The following GREB1L variants were observed in gnomAD, a reference collection of about 807,000 sequenced individuals.
GREB1L encodes GREB1 like retinoic acid receptor coactivator.
GREB1L carries 17 observed loss-of-function variants against 200.8 expected under a neutral mutation model. The ratio of observed to expected loss-of-function variants is 0.08; its 90% CI spans 0.06 to 0.13. The LOEUF (loss-of-function observed/expected upper bound fraction) is 0.13, where lower values mean the gene tolerates loss of function less well. Ranked by LOEUF, GREB1L falls within the 10% of genes least tolerant of loss-of-function variation. The probability of loss-of-function intolerance (pLI) is 1.00; values close to 1 mark genes in which losing one functional copy is unlikely to be tolerated. For synonymous variants in GREB1L, 789 were observed against 893.0 expected, an observed-to-expected ratio of 0.88 and a Z score of 2.08; for missense variants, 1,657 against 2,367.7, an observed-to-expected ratio of 0.70 and a Z score of 6.23.
intron 2 of GREB1L, among the ~76,000 whole-genome samples, chr18:21,373,177 A>G (rs1453171334): frequency 6.6e-6 from 1 of 152,042 alleles, no homozygotes; most frequent in Non-Finnish European, 1.5e-5. Context: ...TAGTGATGCT[A>G]AGCTCAACCA....
chr18:21,290,108 T>C (rs1187943246), intron 1 of GREB1L, among the ~76,000 whole-genome samples: 9 of 152,190 alleles, frequency 5.9e-5, no homozygotes, highest in African/African-American at 9.7e-5. Context: ...AGAGTGGGCT[T>C]TGGCCTTGGA....
chr18:21,262,903 C>T (rs557581164), intron 1 of GREB1L, among the ~76,000 whole-genome samples: 22 of 152,278 alleles, frequency 1.4e-4, no homozygotes, highest in Non-Finnish European at 2.6e-4. Flanking sequence ...GCCTAAGAAA[C>T]GATGGGCTTA....
rs145687483 is a variant in GREB1L, at chr18:21,316,265, C to T, written c.-119-49762C>T. Among the ~76,000 whole-genome samples the T allele has an allele frequency of 8.0e-3, 1,224 of 152,128 alleles. 27 individuals carry two copies. Among genetic ancestry groups the T allele is most frequent in the African/African-American group, 0.028 (1,178 of 41,500 alleles). On this transcript the variant is annotated intron_variant, in intron 1 of 32. Transcript: ENST00000424526. ...TTTTTGATATAGGGTCTCATTCTGT[C>T]GCCAGGCTGGAGTACGTTGGCATTA...
chr18:21,395,166 C>T (rs1332167786), intron 4 of GREB1L, among the ~76,000 whole-genome samples: 3 of 150,320 alleles, frequency 2.0e-5, no homozygotes, highest in Non-Finnish European at 1.5e-5. Context: ...TTGGCTGAAG[C>T]GAAGCAGACG....
chr18:21,275,229 ACT>A (rs1263603233), intron 1 of GREB1L, among the ~76,000 whole-genome samples: 4 of 151,886 alleles, frequency 2.6e-5, no homozygotes, highest in African/African-American at 9.7e-5. Flanking sequence ...ACAGAGTGAG[ACT>A]CTGTCTCTAA....
chr18:21,408,118 T>C (rs1159424087), intron 7 of GREB1L, among the ~76,000 whole-genome samples: 1 of 151,268 alleles, frequency 6.6e-6, no homozygotes, highest in Non-Finnish European at 1.5e-5. Flanking sequence ...AAGATTTGAA[T>C]GTTCCCAATA....
chr18:21,448,894 G>A (rs1019127575), intron 11 of GREB1L, among the ~76,000 whole-genome samples: 3 of 152,138 alleles, frequency 2.0e-5, no homozygotes, highest in African/African-American at 7.2e-5. Context: ...GGGCCAAATG[G>A]CATATTTAAC....
At chr18:21,248,524 TG>T (rs1326273333) in intron 1 of GREB1L, among the ~76,000 whole-genome samples, 18 of 152,142 alleles carry the variant, frequency 1.2e-4, no homozygotes, top group Non-Finnish European at 5.9e-5. Context: ...ATCAAAGAAA[TG>T]TATATTAAAA....
At chr18:21,262,203 G>T (rs1161447655) in intron 1 of GREB1L, among the ~76,000 whole-genome samples, 1 of 152,122 alleles carries the variant, frequency 6.6e-6, no homozygotes, top group East Asian at 1.9e-4. Flanking sequence ...ATAATATGTA[G>T]GGGTGATTTC....
rs373124125 is a variant in GREB1L, at chr18:21,505,419, T to C, written c.4080T>C (p.Asn1360=). 2 of 1,551,006 alleles carry C rather than the reference T, an allele frequency of 1.3e-6. No homozygotes were observed. Among genetic ancestry groups the C allele is most frequent in the African/African-American group, 2.7e-5 (2 of 73,144 alleles). The change falls in exon 24 of 33, where the codon AAT becomes AAC. Residue 1360 remains asparagine, a synonymous_variant. Coordinates refer to ENST00000424526, the MANE Select transcript of GREB1L (RefSeq NM_001142966.3). ...YDEEEINTDH[N]ESSEVSQSEG... ...ACTTCCTTCTTGTCCTAGATCACAA[T>C]GAAAGCAGTGAAGTGAGCCAGTCAG...
intron 1 of GREB1L, among the ~76,000 whole-genome samples, chr18:21,257,645 T>C (rs184477935): frequency 6.6e-6 from 1 of 152,168 alleles, no homozygotes; most frequent in Non-Finnish European, 1.5e-5. Context: ...GATGGAACAG[T>C]GTAACACATG....
At chr18:21,348,203 C>T (rs1172338207) in intron 1 of GREB1L, among the ~76,000 whole-genome samples, 3 of 151,652 alleles carry the variant, frequency 2.0e-5, no homozygotes, top group Non-Finnish European at 4.4e-5. Context: ...CCTGAGCCTC[C>T]GAACGTGCTG....
intron 27 of GREB1L, among the ~76,000 whole-genome samples, chr18:21,512,142 C>G (rs1203249259): frequency 6.6e-6 from 1 of 152,166 alleles, no homozygotes; most frequent in Non-Finnish European, 1.5e-5. Context: ...TCTAACTTTG[C>G]CTCTCTTTCA....
intron 7 of GREB1L, among the ~76,000 whole-genome samples, chr18:21,424,556 G>A (rs778992278): frequency 4.7e-4 from 72 of 152,214 alleles, no homozygotes; most frequent in Non-Finnish European, 9.6e-4. Flanking sequence ...GTGACAGAGT[G>A]AGACTCTGTC....
chr18:21,277,801 C>G (rs2038193981), intron 1 of GREB1L, among the ~76,000 whole-genome samples: 1 of 152,184 alleles, frequency 6.6e-6, no homozygotes, highest in Admixed American at 6.5e-5. Flanking sequence ...TGTGACTTGT[C>G]TGTCTGCCCA....
At chr18:21,355,097 G>A (rs1391090358) in intron 1 of GREB1L, among the ~76,000 whole-genome samples, 1 of 152,120 alleles carries the variant, frequency 6.6e-6, no homozygotes, top group Non-Finnish European at 1.5e-5. Context: ...TTAGAGCATG[G>A]TGACTGCCTT....
chr18:21,363,299 C>CCAA (rs1555631606), intron 1 of GREB1L, among the ~76,000 whole-genome samples: 3 of 105,576 alleles, frequency 2.8e-5, no homozygotes, highest in African/African-American at 1.2e-4. Context: ...CCCCCCCCCC[C>CCAA]CACACACACA....
chr18:21,324,536 G>T (rs2038994549), intron 1 of GREB1L, among the ~76,000 whole-genome samples: 1 of 152,200 alleles, frequency 6.6e-6, no homozygotes, highest in Admixed American at 6.5e-5. Flanking sequence ...TTCTGGCCGG[G>T]TGTGGTGGCT....
intron 1 of GREB1L, among the ~76,000 whole-genome samples, chr18:21,351,630 T>C (rs1267394817): frequency 6.6e-6 from 1 of 150,742 alleles, no homozygotes. Context: ...GGGATGGCAA[T>C]AAAATCAAAT....
Sources: gnomAD v4.1 joint callset for allele counts (sites outside exome capture counted in the v4.1 genomes callset) on GRCh38, gnomAD v4.1.1 for gene constraint, MANE v1.5 for transcripts, NCBI Gene and HGNC (gene_info 2026-07-23, HGNC 2026-07-21) for gene names.